TMPRSS12: variants seen among roughly 807,000 people sequenced by gnomAD.
The protein encoded by TMPRSS12 is transmembrane serine protease 12, also known as transmembrane protease serine 12.
A neutral mutation model predicts 26.0 loss-of-function variants in TMPRSS12; 25 were observed. The observed-to-expected ratio is 0.96, with a 90% CI of 0.70 to 1.34. The LOEUF is 1.34. TMPRSS12 is among the 40% of genes most tolerant of loss of function. The probability of loss-of-function intolerance (pLI) is 0.00; values close to 1 mark genes in which losing one functional copy is unlikely to be tolerated. For missense variants in TMPRSS12, 441 were observed against 440.1 expected, an observed-to-expected ratio of 1.00 and a Z score of -0.02; for synonymous variants, 150 against 161.7, an observed-to-expected ratio of 0.93 and a Z score of 0.55.
At chr12:50,876,059 C>T (rs1375119521) in intron 3 of TMPRSS12, among the ~76,000 whole-genome samples, 1 of 151,936 alleles carries the variant, frequency 6.6e-6, no homozygotes, top group Admixed American at 6.6e-5. Context: ...TTGAACAGGC[C>T]AAAACCAATT....
intron 3 of TMPRSS12, among the ~76,000 whole-genome samples, chr12:50,868,138 T>TCACA (rs1938008641): frequency 6.6e-6 from 1 of 152,156 alleles, no homozygotes; most frequent in Non-Finnish European, 1.5e-5. Context: ...CAATGGTACC[T>TCACA]CACATCTCAA....
chr12:50,859,081 C>T lies in TMPRSS12; in HGVS notation c.652+28C>T, dbSNP rs368585423. ...AATTATGGTCTGAATTTTACTGATACACATTTTCCTGATTATGGGCAGAGG... is the reference window on the plus strand; with the variant it reads ...AATTATGGTCTGAATTTTACTGATATACATTTTCCTGATTATGGGCAGAGG... On this transcript the variant is annotated intron_variant, in intron 3 of 4. Coordinates refer to ENST00000398458, the MANE Select transcript of TMPRSS12 (RefSeq NM_182559.3). 3.1e-5 allele frequency: 47 copies of T among 1,526,272 alleles called. No individual in the cohort carries two copies. The African/African-American group carries it at 5.0e-4, about 16-fold the overall frequency. The allele number at this position is 1,526,272 out of a possible 1,614,324, so 94.5% of individuals were successfully genotyped here. A position where few individuals can be genotyped will look rare whatever the true frequency, so the allele number is the denominator to read the frequency against.
chr12:50,875,645 A>G (rs1938106946), intron 3 of TMPRSS12, among the ~76,000 whole-genome samples: 1 of 152,174 alleles, frequency 6.6e-6, no homozygotes, highest in African/African-American at 2.4e-5. Flanking sequence ...GACAAAGACA[A>G]TGGGCAAAGA....
At chr12:50,878,827 A>T (rs12813233) in intron 3 of TMPRSS12, among the ~76,000 whole-genome samples, 41,496 of 152,144 alleles carry the variant, frequency 0.27, 6,195 homozygotes, top group South Asian at 0.35. Context: ...GTGTCCATCC[A>T]AAATTCATAT....
intron 3 of TMPRSS12, among the ~76,000 whole-genome samples, chr12:50,866,014 T>G (rs1357836189): frequency 6.6e-6 from 1 of 152,194 alleles, no homozygotes; most frequent in Non-Finnish European, 1.5e-5. Context: ...GCAGAGCTGA[T>G]TATTCAGATT....
chr12:50,846,305 T>C (rs1407828147), intron 2 of TMPRSS12, among the ~76,000 whole-genome samples: 1 of 152,146 alleles, frequency 6.6e-6, no homozygotes, highest in Non-Finnish European at 1.5e-5. Flanking sequence ...TCATTTTGAG[T>C]CCATTTTTGC....
Position 50,885,183 on chromosome 12 carries a change from A to G in TMPRSS12, c.653-63A>G, listed in dbSNP as rs1222066441. On this transcript the variant is annotated intron_variant, in intron 3 of 4. Coordinates refer to ENST00000398458, the MANE Select transcript of TMPRSS12 (RefSeq NM_182559.3). ...CTTTGGAAAGAAAACATAAAACACTAACATTTAAATCACTGTAAAAATGTC... is the reference window on the plus strand; with the variant it reads ...CTTTGGAAAGAAAACATAAAACACTGACATTTAAATCACTGTAAAAATGTC... The G allele has an allele frequency of 5.6e-6, 8 of 1,440,874 alleles. No individual in the cohort carries two copies. The Admixed American group carries it at 1.9e-4, about 34-fold the overall frequency. 89.3% of individuals were successfully genotyped at this position (1,440,874 alleles called of 1,614,324 possible).
intron 4 of TMPRSS12, 122 bp from the exon 5 acceptor site, chr12:50,887,140 G>A: frequency 1.0e-6 from 1 of 986,418 alleles, no homozygotes; most frequent in Non-Finnish European, 1.4e-6. Context: ...TTATAAATTG[G>A]GGGTATATTG....
chr12:50,843,835 T>C lies in TMPRSS12; in HGVS notation c.188-7T>C. On this transcript the variant is annotated splice_region_variant and splice_polypyrimidine_tract_variant and intron_variant, in intron 1 of 4. Transcript: ENST00000398458. ...CAGTCCAAATAATATATCATTTTTA[T>C]TTTTAGATTGTGGAACAGCACCGCT... The C allele has an allele frequency of 6.5e-7, 1 of 1,549,834 alleles. No individual in the cohort carries two copies. The highest frequency in any genetic ancestry group is 8.7e-7 in the Non-Finnish European group (1 of 1,146,850).
At chr12:50,876,543 G>A (rs1010575759) in intron 3 of TMPRSS12, among the ~76,000 whole-genome samples, 12 of 152,156 alleles carry the variant, frequency 7.9e-5, no homozygotes, top group Admixed American at 1.3e-4. Context: ...GGTGGCTCAC[G>A]CCTGTAATCC....
chr12:50,876,875 A>G (rs1452316464), intron 3 of TMPRSS12, among the ~76,000 whole-genome samples: 1 of 151,660 alleles, frequency 6.6e-6, no homozygotes, highest in Admixed American at 6.6e-5. Context: ...CTATACAGCC[A>G]TAAAAAAACA....
intron 3 of TMPRSS12, among the ~76,000 whole-genome samples, chr12:50,865,332 CAAAAAA>C (rs1937981185): frequency 6.6e-6 from 1 of 151,714 alleles, no homozygotes; most frequent in Non-Finnish European, 1.5e-5. Flanking sequence ...GACTCTGTCT[CAAAAAA>C]CAAAAACAAA....
chr12:50,875,942 A>G, intron 3 of TMPRSS12, among the ~76,000 whole-genome samples: 1 of 152,222 alleles, frequency 6.6e-6, no homozygotes, highest in Admixed American at 6.5e-5. Flanking sequence ...ACAGCAAAAG[A>G]AACTATCAAC....
In TMPRSS12 at chr12:50,858,942, G is replaced by A. The variant is rs777910493; in HGVS notation, c.541G>A (p.Val181Met). 1.1e-5 allele frequency: 17 copies of A among 1,589,704 alleles called. No individual in the cohort carries two copies. The East Asian group carries it at 2.9e-4, about 27-fold the overall frequency. ...TGCACTTTTTCACTTAAAAAAAGCA[G>A]TGAGGTATAATGACTATATTCAGCC... ...DIALFHLKKAVRYNDYIQPIC... is the reference protein window; with the variant it reads ...DIALFHLKKAMRYNDYIQPIC... The change falls in exon 3 of 5, where the codon GTG becomes ATG. Residue 181 changes from valine (V) to methionine (M), a missense_variant. Physicochemically the swap from Val to Met is conservative, Grantham distance 21 (BLOSUM62 1). Transcript: ENST00000398458.
Position 50,887,654 on chromosome 12 carries a change from G to T in TMPRSS12, c.*141G>T. On this transcript the variant is annotated 3_prime_UTR_variant, in exon 5 of 5. Coordinates refer to ENST00000398458, the MANE Select transcript of TMPRSS12 (RefSeq NM_182559.3). The stretch of plus-strand genomic sequence containing the variant: ...GAACATTTTATGGGCTATAAGTATT[G>T]TGACAGATATACAATTGTAATTTTG... The T allele has an allele frequency of 9.9e-7, 1 of 1,013,054 alleles. No homozygotes were observed. Among genetic ancestry groups the T allele is most frequent in the East Asian group, 2.5e-5 (1 of 40,046 alleles). The allele number at this position is 1,013,054 out of a possible 1,614,324, so 62.8% of individuals were successfully genotyped here.
chr12:50,848,901 A>G (rs927131888), intron 2 of TMPRSS12, among the ~76,000 whole-genome samples: 2 of 152,152 alleles, frequency 1.3e-5, no homozygotes, highest in Admixed American at 1.3e-4. Flanking sequence ...GTCTTGCTCT[A>G]TCACCTAGGC....
At chr12:50,857,454 CTGT>C (rs1259662012) in intron 2 of TMPRSS12, among the ~76,000 whole-genome samples, 1 of 152,204 alleles carries the variant, frequency 6.6e-6, no homozygotes, top group African/African-American at 2.4e-5. Flanking sequence ...CTCGTCTGCA[CTGT>C]TATCATCGAA....
chr12:50,847,920 CAT>C (rs1423204209), intron 2 of TMPRSS12: 1 of 151,404 alleles, frequency 6.6e-6, no homozygotes, highest in African/African-American at 2.4e-5. Flanking sequence ...TATATATACA[CAT>C]ATATATTCTT....
intron 3 of TMPRSS12, among the ~76,000 whole-genome samples, chr12:50,877,446 T>A (rs1394076147): frequency 6.6e-6 from 1 of 152,198 alleles, no homozygotes; most frequent in Admixed American, 6.5e-5. Flanking sequence ...ATGACATGAT[T>A]ATGTAAATGT....
Sources: allele counts gnomAD v4.1 joint callset (sites outside exome capture counted in the v4.1 genomes callset), GRCh38; gene constraint gnomAD v4.1.1; transcripts MANE v1.5; gene names NCBI Gene and HGNC (gene_info 2026-07-23, HGNC 2026-07-21).